The following ZNF587B variants were observed in gnomAD, a reference collection of about 807,000 sequenced individuals.
The protein encoded by ZNF587B is zinc finger protein 587B.
ZNF587B carries 6 observed loss-of-function variants against 7.2 expected under a neutral mutation model. That is an observed-to-expected ratio of 0.83 (90% CI 0.46 to 1.65). The LOEUF is 1.65. ZNF587B is among the 40% of genes most tolerant of loss of function. The pLI, the probability that ZNF587B is intolerant of heterozygous loss-of-function variation, is 0.01. For missense variants in ZNF587B, 749 were observed against 761.0 expected (o/e 0.98, Z 0.19); for synonymous variants, 274 against 254.3 (o/e 1.08, Z -0.74).
chr19:57,841,464 C>T lies in ZNF587B; in HGVS notation c.790C>T (p.His264Tyr). ...TAGCTTCAGTAATCATCAGAGAGTT[C>T]ACAGTGGAAAAAGACCTTATGAATG... is the stretch of plus-strand genomic sequence containing the variant. ...YVSFSNHQRV[H>Y]SGKRPYECGE... Residue 264 changes from histidine to tyrosine, a missense_variant, in exon 3 of 3, where the codon CAC becomes TAC. By Grantham distance (83) the His-to-Tyr change is moderately conservative. Coordinates refer to ENST00000594901, the MANE Select transcript of ZNF587B (RefSeq NM_001376223.1). 1 of 1,584,782 alleles carries T rather than the reference C, an allele frequency of 6.3e-7. No homozygotes were observed. Among genetic ancestry groups the T allele is most frequent in the Non-Finnish European group, 8.6e-7 (1 of 1,164,522 alleles).
Position 57,843,177 on chromosome 19 carries a change from G to T in ZNF587B, c.*601G>T. 1.6e-6 allele frequency: 1 copy of T among 617,754 alleles called. No individual in the cohort carries two copies. The highest frequency in any genetic ancestry group is 2.0e-6 in the Non-Finnish European group (1 of 494,858). The allele number at this position is 617,754 out of a possible 1,614,324, so 38.3% of individuals were successfully genotyped here. A position where few individuals can be genotyped will look rare whatever the true frequency, so the allele number is the denominator to read the frequency against. On this transcript the variant is annotated 3_prime_UTR_variant, in exon 3 of 3. Transcript: ENST00000594901. ...GCCTGGCTATTTTCTCATATTAGTA[G>T]ATATAGGGTTTTACCATGTTTCCAG... is the stretch of plus-strand genomic sequence containing the variant.
intron 1 of ZNF587B, among the ~76,000 whole-genome samples, chr19:57,836,956 G>T (rs1418268137): frequency 1.0e-5 from 1 of 96,932 alleles, no homozygotes; most frequent in Admixed American, 1.3e-4. Flanking sequence ...GTGAGACTCC[G>T]TCATAAAAAA....
rs773875776 is a variant in ZNF587B, at chr19:57,841,332, A to G, written c.658A>G (p.Met220Val). 6.8e-6 allele frequency: 11 copies of G among 1,609,648 alleles called. No individual in the cohort carries two copies. Among genetic ancestry groups the G allele is most frequent in the Non-Finnish European group, 7.6e-6 (9 of 1,177,558 alleles). The change falls in exon 3 of 3, where the codon ATG becomes GTG. Residue 220 changes from methionine to valine, a missense_variant. Met to Val is a conservative substitution (Grantham distance 21). Around this residue, in one of 3 missense-constraint regions of ZNF587B, gnomAD observed 656 missense variants for 596.5 expected, o/e 1.10. Coordinates refer to ENST00000594901, the MANE Select transcript of ZNF587B (RefSeq NM_001376223.1). ...AGCTCACTATAGCCATGGAGATTCC[A>G]TGAAACATTTTAGCACCAAACATAT... The part of the protein sequence containing the change: ...GGAHYSHGDS[M>V]KHFSTKHILS...
chr19:57,837,678 G>A (rs1988673845), intron 1 of ZNF587B, among the ~76,000 whole-genome samples: 1 of 152,038 alleles, frequency 6.6e-6, no homozygotes, highest in Non-Finnish European at 1.5e-5. Context: ...TCGATCTCCT[G>A]ACCTCGTCAT....
In ZNF587B at chr19:57,843,138, G is replaced by A; in HGVS notation, c.*562G>A. 1 of 555,432 alleles carries A rather than the reference G, an allele frequency of 1.8e-6. No individual in the cohort carries two copies. The highest frequency in any genetic ancestry group is 2.3e-6 in the Non-Finnish European group (1 of 437,600). 34.4% of individuals were successfully genotyped at this position (555,432 alleles called of 1,614,324 possible). A position where few individuals can be genotyped will look rare whatever the true frequency, so the allele number is the denominator to read the frequency against. ...AGCCTCCATGTAGCTGGGTCCACAGGCATGCACCACCATGCCTGGCTATTT... is the reference window on the plus strand; with the variant it reads ...AGCCTCCATGTAGCTGGGTCCACAGACATGCACCACCATGCCTGGCTATTT... On this transcript the variant is annotated 3_prime_UTR_variant, in exon 3 of 3. Transcript: ENST00000594901.
rs181838593 is a variant in ZNF587B, at chr19:57,832,325, T to A, written c.36+1761T>A. Reference sequence around the variant, plus strand: ...TGGTCTCAATCTCTTGACATTGTGATCCGCCCGCCTTGGCCTCCCAAAGTG... The same window carrying A: ...TGGTCTCAATCTCTTGACATTGTGAACCGCCCGCCTTGGCCTCCCAAAGTG... On this transcript the variant is annotated intron_variant, in intron 1 of 2. Transcript: ENST00000594901. Among the ~76,000 whole-genome samples the A allele has an allele frequency of 4.7e-3, 719 of 152,322 alleles. 5 individuals are homozygous for A. The highest frequency in any genetic ancestry group is 0.044 in the Middle Eastern group (13 of 294).
In ZNF587B at chr19:57,842,917, C is replaced by T. The variant is rs916638400; in HGVS notation, c.*341C>T. The T allele has an allele frequency of 1.0e-6, 1 of 985,238 alleles. No individual in the cohort carries two copies. The highest frequency in any genetic ancestry group is 1.7e-5 in the African/African-American group (1 of 57,214). The allele number at this position is 985,238 out of a possible 1,614,324, so 61.0% of individuals were successfully genotyped here. A position where few individuals can be genotyped will look rare whatever the true frequency, so the allele number is the denominator to read the frequency against. On this transcript the variant is annotated 3_prime_UTR_variant, in exon 3 of 3. Transcript: ENST00000594901. Reference sequence around the variant, plus strand: ...GTAATGTTTGCAAAAAAGCACTGTGCCTTCTGTCATTGAATCCTAGAACAC... The same window carrying T: ...GTAATGTTTGCAAAAAAGCACTGTGTCTTCTGTCATTGAATCCTAGAACAC...
chr19:57,839,422 A>G (rs1029863116), intron 2 of ZNF587B, among the ~76,000 whole-genome samples: 1 of 152,116 alleles, frequency 6.6e-6, no homozygotes, highest in Non-Finnish European at 1.5e-5. Flanking sequence ...GTCCTTGTCC[A>G]GATTTCAGGT....
intron 1 of ZNF587B, among the ~76,000 whole-genome samples, chr19:57,838,287 A>T (rs1245338250): frequency 6.7e-6 from 1 of 148,708 alleles, no homozygotes; most frequent in Non-Finnish European, 1.5e-5. Context: ...TCCGTCTCAA[A>T]AAAAAATAAA....
Position 57,842,711 on chromosome 19 carries a change from G to A in ZNF587B, c.*135G>A. 7.7e-7 allele frequency: 1 copy of A among 1,290,480 alleles called. No individual in the cohort carries two copies. The highest frequency in any genetic ancestry group is 1.5e-5 in the African/African-American group (1 of 65,946). The allele number at this position is 1,290,480 out of a possible 1,614,324, so 79.9% of individuals were successfully genotyped here. A position where few individuals can be genotyped will look rare whatever the true frequency, so the allele number is the denominator to read the frequency against. Reference sequence around the variant, plus strand: ...CTTGGACATTGGAGAGTTCACACCAGAGAAAAGTCCTTACAAGTAAAATAA... The same window carrying A: ...CTTGGACATTGGAGAGTTCACACCAAAGAAAAGTCCTTACAAGTAAAATAA... On this transcript the variant is annotated 3_prime_UTR_variant, in exon 3 of 3. Coordinates refer to ENST00000594901, the MANE Select transcript of ZNF587B (RefSeq NM_001376223.1).
At chr19:57,840,180 T>C (rs551165453) in intron 2 of ZNF587B, among the ~76,000 whole-genome samples, 4 of 151,582 alleles carry the variant, frequency 2.6e-5, no homozygotes, top group South Asian at 4.2e-4. Flanking sequence ...TATTCTACTT[T>C]AGTAGCATTT....
Position 57,843,510 on chromosome 19 carries a change from A to G in ZNF587B, c.*934A>G. 1.0e-6 allele frequency: 1 copy of G among 983,936 alleles called. No individual in the cohort carries two copies. Among genetic ancestry groups the G allele is most frequent in the Non-Finnish European group, 1.2e-6 (1 of 829,688 alleles). The allele number at this position is 983,936 out of a possible 1,614,324, so 61.0% of individuals were successfully genotyped here. On this transcript the variant is annotated 3_prime_UTR_variant, in exon 3 of 3. Coordinates refer to ENST00000594901, the MANE Select transcript of ZNF587B (RefSeq NM_001376223.1). ...TCATTCACCTATTTCGTATTCTAGA[A>G]GTATATTTTGGTTGTCTCCCATTCA...
At position 57,841,537 on chromosome 19, in the gene ZNF587B, A is replaced by T. The variant is rs1389935274; in HGVS notation, c.863A>T (p.His288Leu). The T allele has an allele frequency of 6.3e-7, 1 of 1,582,186 alleles. No homozygotes were observed. The highest frequency in any genetic ancestry group is 1.4e-5 in the African/African-American group (1 of 73,956). The change falls in exon 3 of 3, where the codon CAT becomes CTT. Residue 288 changes from histidine (H) to leucine (L), a missense_variant. Coordinates refer to ENST00000594901, the MANE Select transcript of ZNF587B (RefSeq NM_001376223.1). ...SFSQKSSLIQ[H>L]QQFHTGGKPY... ...AGTCAAAAGAGCAGCCTCATTCAAC[A>T]TCAGCAATTTCACACTGGAGGAAAA...
At chr19:57,830,650 CAG>C in intron 1 of ZNF587B, 86 bp downstream of exon 1, 4 of 1,462,302 alleles carry the variant, frequency 2.7e-6, no homozygotes, top group Non-Finnish European at 3.7e-6. Flanking sequence ...TTTAAGGTGG[CAG>C]AGCCATAGGC....
chr19:57,830,668 A>G, intron 1 of ZNF587B, 104 bp downstream of exon 1: 1 of 1,352,788 alleles, frequency 7.4e-7, no homozygotes, highest in Non-Finnish European at 1.0e-6. Flanking sequence ...TAGGCAGCAG[A>G]TGCTGAGTTT....
Position 57,842,730 on chromosome 19 carries a change from A to G in ZNF587B, c.*154A>G. The G allele has an allele frequency of 1.2e-5, 12 of 985,460 alleles. No individual in the cohort carries two copies. Among genetic ancestry groups the G allele is most frequent in the Non-Finnish European group, 1.4e-5 (12 of 829,946 alleles). 61.0% of individuals were successfully genotyped at this position (985,460 alleles called of 1,614,324 possible). A position where few individuals can be genotyped will look rare whatever the true frequency, so the allele number is the denominator to read the frequency against. ...ACACCAGAGAAAAGTCCTTACAAGT[A>G]AAATAAATTTGGCAGTTTTGTAGCC... On this transcript the variant is annotated 3_prime_UTR_variant, in exon 3 of 3. Coordinates refer to ENST00000594901, the MANE Select transcript of ZNF587B (RefSeq NM_001376223.1).
Position 57,843,250 on chromosome 19 carries a change from C to T in ZNF587B, c.*674C>T, listed in dbSNP as rs1988927604. Reference sequence around the variant, plus strand: ...CAAGCAATCTGTACACCTCAGCCTCCCAAAGTGCTGAGATTGTAGGTTTGA... The same window carrying T: ...CAAGCAATCTGTACACCTCAGCCTCTCAAAGTGCTGAGATTGTAGGTTTGA... On this transcript the variant is annotated 3_prime_UTR_variant, in exon 3 of 3. Transcript: ENST00000594901. The T allele has an allele frequency of 1.0e-6, 1 of 968,724 alleles. No homozygotes were observed. Among genetic ancestry groups the T allele is most frequent in the African/African-American group, 1.8e-5 (1 of 56,866 alleles). 60.0% of individuals were successfully genotyped at this position (968,724 alleles called of 1,614,324 possible). A position where few individuals can be genotyped will look rare whatever the true frequency, so the allele number is the denominator to read the frequency against.
At chr19:57,837,349 C>G (rs1457923573) in intron 1 of ZNF587B, among the ~76,000 whole-genome samples, 1 of 151,934 alleles carries the variant, frequency 6.6e-6, no homozygotes, top group South Asian at 2.1e-4. Flanking sequence ...CTTCGCCTCC[C>G]TGGTTCAAGT....
chr19:57,835,078 G>A (rs1486671077), intron 1 of ZNF587B, among the ~76,000 whole-genome samples: 1 of 98,368 alleles, frequency 1.0e-5, no homozygotes, highest in African/African-American at 4.5e-5. Flanking sequence ...GTAGCAGTAT[G>A]TGAAATGCTC....
Sources: gnomAD v4.1 joint callset for allele counts (sites outside exome capture counted in the v4.1 genomes callset) on GRCh38, gnomAD v4.1.1 for gene constraint, gnomAD v4.1.1 regional missense constraint, MANE v1.5 for transcripts, NCBI Gene and HGNC (gene_info 2026-07-23, HGNC 2026-07-21) for gene names.